CD37: variants seen among roughly 807,000 people sequenced by gnomAD.
CD37 encodes leukocyte antigen CD37.
Under a neutral mutation model 38.9 loss-of-function variants are expected in CD37, and 37 were observed. The observed-to-expected ratio is 0.95, with a 90% CI of 0.73 to 1.25. The LOEUF is 1.25. Ranked by LOEUF, CD37 falls within the 50% of genes most tolerant of loss-of-function variation. The pLI is 0.00. For synonymous variants in CD37, 146 were observed against 150.1 expected, an observed-to-expected ratio of 0.97 and a Z score of 0.20; for missense variants, 351 against 360.1, an observed-to-expected ratio of 0.97 and a Z score of 0.20.
In CD37 at chr19:49,338,278, G is replaced by A. The variant is rs1415279768; in HGVS notation, c.447+249G>A. On this transcript the variant is annotated intron_variant, in intron 5 of 7. Coordinates refer to ENST00000323906, the MANE Select transcript of CD37 (RefSeq NM_001774.3). This position sits in a 1 kb window ranked among gnomAD's most constrained non-coding sequence, Gnocchi z 5.0. ...GAGACTCCGCCCCCGCCCCCGCCCC[G>A]ACCAGAGGTTGTCAGGCCCCTAGTC... is the stretch of plus-strand genomic sequence containing the variant. The A allele has an allele frequency of 1.1e-6, 1 of 930,242 alleles. No homozygotes were observed. The highest frequency in any genetic ancestry group is 3.5e-5 in the East Asian group (1 of 28,224). The allele number at this position is 930,242 out of a possible 1,614,324, so 57.6% of individuals were successfully genotyped here.
In CD37 at chr19:49,339,102, C is replaced by T. The variant is rs1447071109; in HGVS notation, c.684+166C>T. Among the ~76,000 whole-genome samples the T allele has an allele frequency of 6.6e-6, 1 of 151,952 alleles. No homozygotes were observed. The highest frequency in any genetic ancestry group is 1.9e-4 in the East Asian group (1 of 5,174). ...AAGGGGGCGGGGTCTGCAGGAAGGGCAGGGCCTAAAGAAAAGGCTGGGCTG... is the reference window on the plus strand; with the variant it reads ...AAGGGGGCGGGGTCTGCAGGAAGGGTAGGGCCTAAAGAAAAGGCTGGGCTG... On this transcript the variant is annotated intron_variant, in intron 6 of 7. Coordinates refer to ENST00000323906, the MANE Select transcript of CD37 (RefSeq NM_001774.3). The surrounding 1 kb of genome is among the most constrained non-coding windows in gnomAD (Gnocchi z 4.5).
In CD37 at chr19:49,339,689, A is replaced by G. The variant is rs747793736; in HGVS notation, c.768+276A>G. On this transcript the variant is annotated intron_variant, in intron 7 of 7. Transcript: ENST00000323906. The surrounding 1 kb of genome is among the most constrained non-coding windows in gnomAD (Gnocchi z 4.5). ...GTCATGGTGCTGAGCGTACAGCTAC[A>G]GCGCAGGGCACTCCGCCGGAAATGC... 4.5e-5 allele frequency: 64 copies of G among 1,410,026 alleles called. No homozygotes were observed. The highest frequency in any genetic ancestry group is 5.7e-5 in the Non-Finnish European group (62 of 1,087,564). The allele number at this position is 1,410,026 out of a possible 1,614,324, so 87.3% of individuals were successfully genotyped here.
At chr19:49,340,054 G>T in intron 7 of CD37, 197 bp from the exon 8 acceptor site, 1 of 1,504,160 alleles carries the variant, frequency 6.6e-7, no homozygotes, top group South Asian at 1.3e-5. Context: ...ACCCCCACTT[G>T]TAGCAGCTAT....
At chr19:49,340,063 A>G in intron 7 of CD37, 188 bp from the exon 8 acceptor site, 2 of 1,515,162 alleles carry the variant, frequency 1.3e-6, no homozygotes, top group Non-Finnish European at 1.8e-6. Flanking sequence ...TGTAGCAGCT[A>G]TTCCCGCCTC....
chr19:49,339,951 A>T lies in CD37; in HGVS notation c.769-300A>T. On this transcript the variant is annotated intron_variant, in intron 7 of 7. Coordinates refer to ENST00000323906, the MANE Select transcript of CD37 (RefSeq NM_001774.3). This position sits in a 1 kb window ranked among gnomAD's most constrained non-coding sequence, Gnocchi z 4.5. The stretch of plus-strand genomic sequence containing the variant: ...GTGCGGGCGCAGAATTAGAGGAGGC[A>T]CAATTAGAGGCTGAGGCAGAGGGGG... 7.2e-7 allele frequency: 1 copy of T among 1,394,308 alleles called. No individual in the cohort carries two copies. The highest frequency in any genetic ancestry group is 9.3e-7 in the Non-Finnish European group (1 of 1,073,598). 86.4% of individuals were successfully genotyped at this position (1,394,308 alleles called of 1,614,324 possible).
intron 4 of CD37, chr19:49,337,509 C>A: frequency 1.4e-6 from 1 of 696,620 alleles, no homozygotes; most frequent in Non-Finnish European, 2.2e-6. Context: ...GGGGTCCCAG[C>A]TACTTGGGAG....
At position 49,338,732 on chromosome 19, in the gene CD37, C is replaced by G. The variant is rs774585108; in HGVS notation, c.480C>G (p.Asp160Glu). Reference protein sequence around the residue: ...LRCCGWHYPQDWFQVLILRGN... With the variant: ...LRCCGWHYPQEWFQVLILRGN... The stretch of plus-strand genomic sequence containing the variant: ...GCTGCGGCTGGCACTACCCGCAGGA[C>G]TGGTTCCAAGTCCTCATCCTGAGAG... The change falls in exon 6 of 8, where the codon GAC becomes GAG. Residue 160 changes from aspartate to glutamate, a missense_variant. Coordinates refer to ENST00000323906, the MANE Select transcript of CD37 (RefSeq NM_001774.3). This position sits in a 1 kb window ranked among gnomAD's most constrained non-coding sequence, Gnocchi z 5.0. The G allele has an allele frequency of 6.2e-7, 1 of 1,612,972 alleles. No individual in the cohort carries two copies. The highest frequency in any genetic ancestry group is 8.5e-7 in the Non-Finnish European group (1 of 1,179,994).
In CD37 at chr19:49,338,087, A is replaced by G. The variant is rs1971028487; in HGVS notation, c.447+58A>G. On this transcript the variant is annotated intron_variant, in intron 5 of 7. Coordinates refer to ENST00000323906, the MANE Select transcript of CD37 (RefSeq NM_001774.3). This position sits in a 1 kb window ranked among gnomAD's most constrained non-coding sequence, Gnocchi z 5.0. ...TGACCCGCCTCAGCCCTGTGCTTGGAGGAGACTCCACCCCAACGTGGGCCC... is the reference window on the plus strand; with the variant it reads ...TGACCCGCCTCAGCCCTGTGCTTGGGGGAGACTCCACCCCAACGTGGGCCC... The G allele has an allele frequency of 1.9e-6, 3 of 1,589,500 alleles. No homozygotes were observed. Among genetic ancestry groups the G allele is most frequent in the Non-Finnish European group, 2.6e-6 (3 of 1,167,648 alleles).
intron 4 of CD37, chr19:49,337,572 T>C (rs1971003518): frequency 2.4e-6 from 3 of 1,229,136 alleles, no homozygotes; most frequent in Non-Finnish European, 3.3e-6. Flanking sequence ...CAGTGAGCCA[T>C]GCACTCAGCC....
At chr19:49,340,088 C>G (rs1010047075) in intron 7 of CD37, 163 bp from the exon 8 acceptor site, 1 of 1,529,158 alleles carries the variant, frequency 6.5e-7, no homozygotes, top group Non-Finnish European at 8.8e-7. Flanking sequence ...GCCAGCCCTG[C>G]GGCAGTTCCC....
chr19:49,338,198 CG>C lies in CD37; in HGVS notation c.447+170del. On this transcript the variant is annotated intron_variant, in intron 5 of 7. Coordinates refer to ENST00000323906, the MANE Select transcript of CD37 (RefSeq NM_001774.3). The surrounding 1 kb of genome is among the most constrained non-coding windows in gnomAD (Gnocchi z 5.0). ...CCCCAGATGACACAACTGTCCCCGG[CG>C]TCGCCTGGTCTCCCAGTACCCAGAC... The C allele has an allele frequency of 7.0e-7, 1 of 1,434,906 alleles. No homozygotes were observed. Among genetic ancestry groups the C allele is most frequent in the Non-Finnish European group, 9.1e-7 (1 of 1,098,670 alleles). 88.9% of individuals were successfully genotyped at this position (1,434,906 alleles called of 1,614,324 possible).
Position 49,338,658 on chromosome 19 carries a change from T to C in CD37, c.448-42T>C, listed in dbSNP as rs1490494767. The C allele has an allele frequency of 2.1e-6, 3 of 1,429,764 alleles. No individual in the cohort carries two copies. Among genetic ancestry groups the C allele is most frequent in the African/African-American group, 1.4e-5 (1 of 71,608 alleles). The allele number at this position is 1,429,764 out of a possible 1,614,324, so 88.6% of individuals were successfully genotyped here. A position where few individuals can be genotyped will look rare whatever the true frequency, so the allele number is the denominator to read the frequency against. ...TTGTCCCCTGATCCCCAACATCATATGTCTCCAGTCCCGGTCCCTCTGACT... is the reference window on the plus strand; with the variant it reads ...TTGTCCCCTGATCCCCAACATCATACGTCTCCAGTCCCGGTCCCTCTGACT... On this transcript the variant is annotated intron_variant, in intron 5 of 7. Coordinates refer to ENST00000323906, the MANE Select transcript of CD37 (RefSeq NM_001774.3). This position sits in a 1 kb window ranked among gnomAD's most constrained non-coding sequence, Gnocchi z 5.0.
In CD37 at chr19:49,335,737, C is replaced by T; in HGVS notation, c.93C>T (p.Cys31=). The T allele has an allele frequency of 6.2e-7, 1 of 1,613,962 alleles. No homozygotes were observed. The highest frequency in any genetic ancestry group is 8.5e-7 in the Non-Finnish European group (1 of 1,179,998). The change falls in exon 2 of 8, where the codon TGC becomes TGT. Residue 31 remains cysteine (C), a synonymous_variant. Transcript: ENST00000323906. This position sits in a 1 kb window ranked among gnomAD's most constrained non-coding sequence, Gnocchi z 4.6. ...AGGTCCTCGGCAGCCTGATCTTCTG[C>T]TTCGGCATCTGGATCCTCATTGACA... ...FFFVLGSLIF[C]FGIWILIDKT...
At position 49,338,921 on chromosome 19, in the gene CD37, C is replaced by A; in HGVS notation, c.669C>A (p.Ser223Arg). The A allele has an allele frequency of 6.2e-7, 1 of 1,612,838 alleles. No homozygotes were observed. The change falls in exon 6 of 8, where the codon AGC becomes AGA. Residue 223 changes from serine to arginine, a missense_variant. Physicochemically the swap from Ser to Arg is moderately radical, Grantham distance 110. Coordinates refer to ENST00000323906, the MANE Select transcript of CD37 (RefSeq NM_001774.3). The surrounding 1 kb of genome is among the most constrained non-coding windows in gnomAD (Gnocchi z 5.0). Reference sequence around the variant, plus strand: ...ACATCTGCGCTGTCCCTGCAGAGAGCCACATCTACCGCGAGGTGGGCAGGG... The same window carrying A: ...ACATCTGCGCTGTCCCTGCAGAGAGACACATCTACCGCGAGGTGGGCAGGG... ...SADICAVPAESHIYREGCAQG... is the reference protein window; with the variant it reads ...SADICAVPAERHIYREGCAQG...
At position 49,339,037 on chromosome 19, in the gene CD37, G is replaced by C. The variant is rs1971079051; in HGVS notation, c.684+101G>C. ...CGGCCTGAGAAAGGGCGGGGTCTAC[G>C]AGAAAAGGAAAGGTACGGCAGGAGG... On this transcript the variant is annotated intron_variant, in intron 6 of 7. Coordinates refer to ENST00000323906, the MANE Select transcript of CD37 (RefSeq NM_001774.3). The surrounding 1 kb of genome is among the most constrained non-coding windows in gnomAD (Gnocchi z 4.5). 2 of 998,506 alleles carry C rather than the reference G, an allele frequency of 2.0e-6. No homozygotes were observed. The highest frequency in any genetic ancestry group is 3.1e-6 in the Non-Finnish European group (2 of 655,530). The allele number at this position is 998,506 out of a possible 1,614,324, so 61.9% of individuals were successfully genotyped here.
At chr19:49,337,512 CT>C in intron 4 of CD37, 1 of 712,360 alleles carries the variant, frequency 1.4e-6, no homozygotes, top group Non-Finnish European at 2.2e-6. Flanking sequence ...GTCCCAGCTA[CT>C]TGGGAGGTCG....
At position 49,338,933 on chromosome 19, in the gene CD37, C is replaced by G; in HGVS notation, c.681C>G (p.Arg227=). 6.2e-7 allele frequency: 1 copy of G among 1,610,788 alleles called. No homozygotes were observed. The highest frequency in any genetic ancestry group is 2.2e-5 in the East Asian group (1 of 44,786). Residue 227 remains arginine, a synonymous_variant, in exon 6 of 8, where the codon CGC becomes CGG. Coordinates refer to ENST00000323906, the MANE Select transcript of CD37 (RefSeq NM_001774.3). The surrounding 1 kb of genome is among the most constrained non-coding windows in gnomAD (Gnocchi z 5.0). Reference sequence around the variant, plus strand: ...TCCCTGCAGAGAGCCACATCTACCGCGAGGTGGGCAGGGGTTCGGAGCATA... The same window carrying G: ...TCCCTGCAGAGAGCCACATCTACCGGGAGGTGGGCAGGGGTTCGGAGCATA... ...CAVPAESHIY[R]EGCAQGLQKW... is the part of the protein sequence containing the mutation.
Position 49,339,351 on chromosome 19 carries a change from A to G in CD37, c.706A>G (p.Lys236Glu). 1 of 1,613,986 alleles carries G rather than the reference A, an allele frequency of 6.2e-7. No homozygotes were observed. Reference protein sequence around the residue: ...YREGCAQGLQKWLHNNLISIV... With the variant: ...YREGCAQGLQEWLHNNLISIV... ...CCAGGGCTGCGCGCAGGGCCTCCAG[A>G]AGTGGCTGCACAACAACCTTATTTC... is the stretch of plus-strand genomic sequence containing the variant. The change falls in exon 7 of 8, where the codon AAG becomes GAG. Residue 236 changes from lysine (K) to glutamate (E), a missense_variant. Coordinates refer to ENST00000323906, the MANE Select transcript of CD37 (RefSeq NM_001774.3). The surrounding 1 kb of genome is among the most constrained non-coding windows in gnomAD (Gnocchi z 4.5).
At chr19:49,337,584 G>T in intron 4 of CD37, 1 of 1,321,740 alleles carries the variant, frequency 7.6e-7, no homozygotes, top group Non-Finnish European at 1.0e-6. Context: ...CACTCAGCCT[G>T]GGTGACAGAG....
Sources: gnomAD v4.1 joint callset for allele counts (sites outside exome capture counted in the v4.1 genomes callset) on GRCh38, gnomAD v4.1.1 for gene constraint, Gnocchi (gnomAD v3.1) non-coding constraint, MANE v1.5 for transcripts, NCBI Gene and HGNC (gene_info 2026-07-23, HGNC 2026-07-21) for gene names.